Variants in FHL1 observed in about 807,000 individuals in gnomAD.
FHL1 encodes four and a half LIM domains 1, also known as four and a half LIM domains protein 1.
Under a neutral mutation model 20.3 loss-of-function variants are expected in FHL1, and 1 was observed. The ratio of observed to expected loss-of-function variants is 0.05; its 90% CI spans 0.02 to 0.23. FHL1 has a LOEUF of 0.23. Among genes scored for constraint, FHL1 ranks in the 10% least tolerant of loss-of-function variants. The pLI, the probability that FHL1 is intolerant of heterozygous loss-of-function variation, is 1.00. For synonymous variants in FHL1, 82 were observed against 88.9 expected (o/e 0.92, Z 0.44); for missense variants, 177 against 234.0 (o/e 0.76, Z 1.59).
chrX:136,170,029 T>C (rs2072819214), intron 2 of FHL1: 2 of 323,332 alleles, frequency 6.2e-6, no homozygotes, highest in South Asian at 5.3e-5. Flanking sequence ...TCCAACCTTC[T>C]AAGTTGTGGT....
At chrX:136,188,530 AAT>A (rs1214571627) in intron 2 of FHL1, among the ~76,000 whole-genome samples, 1 of 111,195 alleles carries the variant, frequency 9.0e-6, no homozygotes, top group African/African-American at 3.3e-5. Context: ...TGGACCTGAA[AAT>A]ATAGCCTCTC....
At chrX:136,165,606 A>G (rs1204248737), upstream of FHL1, among the ~76,000 whole-genome samples, 1 of 112,296 alleles carries the variant, frequency 8.9e-6, no homozygotes, top group African/African-American at 3.2e-5. Flanking sequence ...TACCATGACA[A>G]TCACATTCAA....
chrX:136,199,105 C>T (rs988826261), intron 1 of FHL1, among the ~76,000 whole-genome samples: 7 of 111,684 alleles, frequency 6.3e-5, no homozygotes, highest in Non-Finnish European at 1.3e-4. Context: ...CTTTTGCTGC[C>T]GGGTCAGAAA....
At chrX:136,180,524 CT>C (rs2073126747) in intron 2 of FHL1, among the ~76,000 whole-genome samples, 2 of 111,945 alleles carry the variant, frequency 1.8e-5, no homozygotes, top group African/African-American at 6.5e-5. Context: ...GCAAATAGTC[CT>C]TCCAGTCTAG....
intron 2 of FHL1, among the ~76,000 whole-genome samples, chrX:136,175,262 A>T (rs928890472): frequency 4.4e-5 from 5 of 112,688 alleles, no homozygotes; most frequent in Admixed American, 9.4e-5. Flanking sequence ...AGCATATTTG[A>T]ACGTCAGCAA....
Position 136,209,900 on chromosome X carries a change from T to C in FHL1, c.766T>C (p.Tyr256His). ...GFGKGSSVVA[Y>H]EGQSWHDYCF... Reference sequence around the variant, plus strand: ...TGGTAAAGGCTCCAGTGTGGTGGCCTATGAAGGACAATCCTGGCACGACTA... The same window carrying C: ...TGGTAAAGGCTCCAGTGTGGTGGCCCATGAAGGACAATCCTGGCACGACTA... The change falls in exon 6 of 6, where the codon TAT becomes CAT. Residue 256 changes from tyrosine (Y) to histidine (H), a missense_variant. Transcript: ENST00000370683. The C allele has an allele frequency of 8.3e-7, 1 of 1,211,126 alleles. No homozygotes were observed. The highest frequency in any genetic ancestry group is 1.1e-6 in the Non-Finnish European group (1 of 895,330).
At chrX:136,201,539 T>G (rs1235111371) in intron 1 of FHL1, among the ~76,000 whole-genome samples, 1 of 111,596 alleles carries the variant, frequency 9.0e-6, no homozygotes, top group East Asian at 2.8e-4. Flanking sequence ...CCTCCTGAGA[T>G]CTCATGGGGA....
At chrX:136,200,485 G>A (rs1006201441) in intron 1 of FHL1, among the ~76,000 whole-genome samples, 1 of 112,129 alleles carries the variant, frequency 8.9e-6, no homozygotes, top group African/African-American at 3.2e-5. Flanking sequence ...TCCTGAAATA[G>A]GGTTGGTATG....
chrX:136,181,358 G>A (rs1031260476), intron 2 of FHL1, among the ~76,000 whole-genome samples: 6 of 111,937 alleles, frequency 5.4e-5, no homozygotes, highest in Non-Finnish European at 1.1e-4. Flanking sequence ...TAAAAGGAGA[G>A]AGATGGTTAG....
At chrX:136,149,265 T>TA (rs2072200355) in intron 1 of FHL1, among the ~76,000 whole-genome samples, 1 of 112,269 alleles carries the variant, frequency 8.9e-6, no homozygotes, top group Non-Finnish European at 1.9e-5. Flanking sequence ...TCCCGATCCT[T>TA]ACACTGAAGA....
chrX:136,209,758 G>A (rs781706497), intron 5 of FHL1, 113 bp from the exon 6 acceptor site: 668 of 901,428 alleles, frequency 7.4e-4, no homozygotes, highest in Non-Finnish European at 9.8e-4. Context: ...CGTGCTTGTC[G>A]GTCTGTGAGT....
At chrX:136,152,703 G>A in intron 1 of FHL1, among the ~76,000 whole-genome samples, 1 of 81,706 alleles carries the variant, frequency 1.2e-5, no homozygotes, top group Admixed American at 1.7e-4. Context: ...CTGGGCGACA[G>A]AGCTAGACTC....
At chrX:136,196,683 C>CA (rs2073562667), upstream of FHL1, 1 of 531,850 alleles carries the variant, frequency 1.9e-6, no homozygotes, top group African/African-American at 2.4e-5. Flanking sequence ...ATTAACAGCA[C>CA]AAAAATGTAT....
At chrX:136,207,289 C>A in intron 3 of FHL1, 99 bp downstream of exon 3, 1 of 867,397 alleles carries the variant, frequency 1.2e-6, no homozygotes, top group Non-Finnish European at 1.6e-6. Flanking sequence ...TTGCTCTGAG[C>A]TGCTTTGAGA....
intron 2 of FHL1, among the ~76,000 whole-genome samples, chrX:136,174,984 C>T (rs1426507417): frequency 8.9e-6 from 1 of 112,070 alleles, no homozygotes; most frequent in African/African-American, 3.2e-5. Flanking sequence ...CAAATATATA[C>T]AGTCCTATAT....
chrX:136,183,278 C>T (rs2073209858), intron 2 of FHL1, among the ~76,000 whole-genome samples: 1 of 110,769 alleles, frequency 9.0e-6, no homozygotes, highest in South Asian at 3.8e-4. Context: ...TTTACCAGTC[C>T]CTTCAGACAG....
At chrX:136,156,075 T>A (rs1327643968) in intron 1 of FHL1, among the ~76,000 whole-genome samples, 1 of 109,462 alleles carries the variant, frequency 9.1e-6, no homozygotes, top group East Asian at 2.9e-4. Context: ...CTGAGATTTA[T>A]TTGTGCCTCA....
intron 1 of FHL1, among the ~76,000 whole-genome samples, chrX:136,200,109 G>A (rs989800012): frequency 6.2e-5 from 7 of 112,192 alleles, no homozygotes; most frequent in Non-Finnish European, 1.3e-4. Context: ...GAAAAAGGAA[G>A]CTTGTTTATT....
In FHL1 at chrX:136,187,272, G is replaced by A. The variant is rs1339049808; in HGVS notation, c.-27+17292G>A. On this transcript the variant is annotated intron_variant, in intron 2 of 6. Transcript: ENST00000394153. ...GGAAGTAGATGTCTGGGGATAGATA[G>A]GGGGAAGAATACTTTTCACTATGTA... Among the ~76,000 whole-genome samples the A allele has an allele frequency of 8.1e-5, 9 of 110,878 alleles. No homozygotes were observed. In the East Asian group the frequency reaches 2.5e-3, roughly 31 times the overall value.
Sources: allele counts gnomAD v4.1 joint callset (sites outside exome capture counted in the v4.1 genomes callset), GRCh38; gene constraint gnomAD v4.1.1; transcripts MANE v1.5; gene names NCBI Gene and HGNC (gene_info 2026-07-23, HGNC 2026-07-21).